Variants in VAMP4 observed in about 807,000 individuals in gnomAD.
VAMP4 encodes vesicle-associated membrane protein 4.
A neutral mutation model predicts 23.5 loss-of-function variants in VAMP4; 19 were observed. The ratio of observed to expected loss-of-function variants is 0.81; its 90% CI spans 0.56 to 1.19. The LOEUF is 1.19. VAMP4 is among the 50% of genes most tolerant of loss of function. The pLI is 0.00. For synonymous variants in VAMP4, 31 were observed against 51.0 expected, an observed-to-expected ratio of 0.61 and a Z score of 1.67; for missense variants, 145 against 168.6, an observed-to-expected ratio of 0.86 and a Z score of 0.78.
At chr1:171,738,871 G>C (rs765796194) in intron 1 of VAMP4, among the ~76,000 whole-genome samples, 7 of 152,170 alleles carry the variant, frequency 4.6e-5, no homozygotes, top group Non-Finnish European at 7.3e-5. Flanking sequence ...GTTTCCTCAG[G>C]TGTAAAATAC....
intron 3 of VAMP4, among the ~76,000 whole-genome samples, 159 bp downstream of exon 3, chr1:171,728,365 T>C (rs1655443120): frequency 6.6e-6 from 1 of 152,202 alleles, no homozygotes; most frequent in South Asian, 2.1e-4. Context: ...AACGTGCTAC[T>C]CTCTGTGTTT....
Position 171,703,075 on chromosome 1 carries a change from A to G in VAMP4, c.*1431T>C, listed in dbSNP as rs1411313922. 1 of 151,876 alleles carries G rather than the reference A, an allele frequency of 6.6e-6. No homozygotes were observed. Among genetic ancestry groups the G allele is most frequent in the South Asian group, 2.1e-4 (1 of 4,828 alleles). The allele number at this position is 151,876 out of a possible 1,614,324, so 9.4% of individuals were successfully genotyped here. ...AAGATGACCAAAGAAATAAAACCTA[A>G]ATAAAATAAACATAAAATCATTTTT... On this transcript the variant is annotated 3_prime_UTR_variant, in exon 8 of 8. Transcript: ENST00000236192.
chr1:171,709,823 A>T, intron 5 of VAMP4, 79 bp from the exon 6 acceptor site: 2 of 1,160,886 alleles, frequency 1.7e-6, no homozygotes, highest in Non-Finnish European at 2.6e-6. Flanking sequence ...AGATAAGAAA[A>T]TATTAATTTC....
At chr1:171,713,008 A>G (rs543880995) in intron 4 of VAMP4, among the ~76,000 whole-genome samples, 2 of 152,134 alleles carry the variant, frequency 1.3e-5, no homozygotes, top group African/African-American at 2.4e-5. Flanking sequence ...TTACATGCTT[A>G]TTTTCTGCCT....
chr1:171,712,540 A>G (rs1321971027), intron 4 of VAMP4, among the ~76,000 whole-genome samples: 1 of 152,146 alleles, frequency 6.6e-6, no homozygotes, highest in Non-Finnish European at 1.5e-5. Flanking sequence ...CCACACATAA[A>G]CTTCAAGATT....
chr1:171,708,947 G>A (rs1456822848), intron 6 of VAMP4, among the ~76,000 whole-genome samples: 2 of 148,066 alleles, frequency 1.4e-5, no homozygotes, highest in Non-Finnish European at 3.0e-5. Flanking sequence ...AAAACAGTGA[G>A]TTCATGTCTA....
At chr1:171,734,267 CAAAAAAAAA>C (rs35870022) in intron 2 of VAMP4, among the ~76,000 whole-genome samples, 2 of 79,658 alleles carry the variant, frequency 2.5e-5, no homozygotes, top group Non-Finnish European at 4.9e-5. Flanking sequence ...GACTCCGTCT[CAAAAAAAAA>C]AAAAAAAAAA....
intron 1 of VAMP4, among the ~76,000 whole-genome samples, chr1:171,740,959 T>C (rs1409266048): frequency 6.6e-6 from 1 of 152,202 alleles, no homozygotes; most frequent in African/African-American, 2.4e-5. Context: ...TATTAGTAAC[T>C]GATATGTGTA....
At chr1:171,718,825 A>G (rs934605101) in intron 4 of VAMP4, among the ~76,000 whole-genome samples, 8 of 152,200 alleles carry the variant, frequency 5.3e-5, no homozygotes, top group African/African-American at 1.2e-4. Context: ...TTCCTTAGCT[A>G]TAATTCTGAG....
At chr1:171,728,714 C>T (rs1655455398) in intron 2 of VAMP4, 144 bp from the exon 3 acceptor site, 1 of 715,728 alleles carries the variant, frequency 1.4e-6, no homozygotes, top group African/African-American at 1.8e-5. Context: ...ACATATCCTT[C>T]ACTGGAAGCT....
intron 3 of VAMP4, among the ~76,000 whole-genome samples, chr1:171,728,117 CA>C (rs973541349): frequency 1.6e-4 from 24 of 152,246 alleles, no homozygotes; most frequent in Non-Finnish European, 2.6e-4. Flanking sequence ...CAGAAATAAA[CA>C]ATTCATAAGT....
Position 171,730,774 on chromosome 1 carries a change from A to G in VAMP4, c.67-2204T>C, listed in dbSNP as rs7536672. Reference sequence around the variant, plus strand: ...GGAGGGAGATGAGTAAAAATAATCAATCTAGCATAAGGGAAGGCATAAGGG... The same window carrying G: ...GGAGGGAGATGAGTAAAAATAATCAGTCTAGCATAAGGGAAGGCATAAGGG... On this transcript the variant is annotated intron_variant, in intron 2 of 7. Transcript: ENST00000236192. 7.9e-3 allele frequency among the ~76,000 whole-genome samples: 1,203 copies of G among 152,242 alleles called. 16 individuals carry two copies. The highest frequency in any genetic ancestry group is 0.028 in the African/African-American group (1,147 of 41,546).
intron 7 of VAMP4, 129 bp from the exon 8 acceptor site, chr1:171,704,663 C>A: frequency 1.7e-6 from 1 of 586,984 alleles, no homozygotes; most frequent in Non-Finnish European, 2.6e-6. Flanking sequence ...GAACTTTTAT[C>A]TGAGGTAATA....
chr1:171,740,760 G>A (rs1043195760), intron 1 of VAMP4, among the ~76,000 whole-genome samples: 3 of 152,118 alleles, frequency 2.0e-5, no homozygotes, highest in African/African-American at 7.2e-5. Flanking sequence ...ACATCCCAAA[G>A]CAAACAACGG....
At chr1:171,710,189 G>T (rs1360116767) in intron 5 of VAMP4, among the ~76,000 whole-genome samples, 1 of 144,032 alleles carries the variant, frequency 6.9e-6, no homozygotes, top group Non-Finnish European at 1.5e-5. Flanking sequence ...TAAGCGAGGT[G>T]TTTTTTTTTT....
intron 3 of VAMP4, among the ~76,000 whole-genome samples, chr1:171,723,882 T>C (rs1303865607): frequency 2.6e-5 from 4 of 152,170 alleles, no homozygotes; most frequent in African/African-American, 9.7e-5. Context: ...TATAAAAGTA[T>C]TAAATTGGGG....
chr1:171,717,509 G>T (rs373720142), intron 4 of VAMP4, among the ~76,000 whole-genome samples: 1 of 151,988 alleles, frequency 6.6e-6, no homozygotes, highest in African/African-American at 2.4e-5. Context: ...GTTCTGATGC[G>T]GTATAAACTT....
chr1:171,738,290 A>T (rs377659590), intron 2 of VAMP4, 59 bp downstream of exon 2: 2 of 1,592,952 alleles, frequency 1.3e-6, no homozygotes, highest in South Asian at 2.2e-5. Flanking sequence ...ATTATTCACA[A>T]AGGGAATGAA....
chr1:171,718,358 T>C (rs992508352), intron 4 of VAMP4, among the ~76,000 whole-genome samples: 1 of 152,166 alleles, frequency 6.6e-6, no homozygotes, highest in African/African-American at 2.4e-5. Flanking sequence ...TATCCCTCCT[T>C]AGGTCTTGAA....
Sources: allele counts gnomAD v4.1 joint callset (sites outside exome capture counted in the v4.1 genomes callset), GRCh38; gene constraint gnomAD v4.1.1; transcripts MANE v1.5; gene names NCBI Gene and HGNC (gene_info 2026-07-23, HGNC 2026-07-21).